LRRC72: variants seen among roughly 807,000 people sequenced by gnomAD.
LRRC72 encodes leucine rich repeat containing 72.
In LRRC72, 41 loss-of-function variants were observed where a neutral mutation model predicts 35.8. That is an observed-to-expected ratio of 1.15 (90% confidence interval 0.89 to 1.49). The LOEUF (loss-of-function observed/expected upper bound fraction) is 1.49, where lower values mean the gene tolerates loss of function less well. LRRC72 is among the 40% of genes most tolerant of loss of function. The pLI is 0.00. For synonymous variants in LRRC72, 118 were observed against 119.2 expected (o/e 0.99, Z 0.07); for missense variants, 389 against 330.7 (o/e 1.18, Z -1.37).
intron 3 of LRRC72, among the ~76,000 whole-genome samples, chr7:16,555,952 C>A (rs1225518893): frequency 9.9e-5 from 15 of 151,736 alleles, no homozygotes; most frequent in Admixed American, 9.2e-4. Flanking sequence ...ATTATTCTTA[C>A]ATTTAACTTA....
chr7:16,550,315 C>A (rs773184925), intron 3 of LRRC72, among the ~76,000 whole-genome samples: 1 of 152,178 alleles, frequency 6.6e-6, no homozygotes, highest in Non-Finnish European at 1.5e-5. Context: ...CACATAATAT[C>A]TCTAAATCGA....
In LRRC72 at chr7:16,549,184, G is replaced by A. The variant is rs553324561; in HGVS notation, c.235-8176G>A. Among the ~76,000 whole-genome samples, 18 of 152,132 alleles carry A rather than the reference G, an allele frequency of 1.2e-4. No homozygotes were observed. The East Asian group carries it at 2.1e-3, about 18-fold the overall frequency. ...AGGCAAGTTGATAATATTTTGTTTCGTATTTTACTTTTTGTTCATTTGAAA... is the reference window on the plus strand; with the variant it reads ...AGGCAAGTTGATAATATTTTGTTTCATATTTTACTTTTTGTTCATTTGAAA... On this transcript the variant is annotated intron_variant, in intron 3 of 8. Transcript: ENST00000401542.
intron 2 of LRRC72, among the ~76,000 whole-genome samples, chr7:16,536,117 T>G (rs569854228): frequency 9.9e-5 from 15 of 151,982 alleles, no homozygotes; most frequent in Non-Finnish European, 1.9e-4. Flanking sequence ...AGGTGATCCA[T>G]CCACCTCAGC....
chr7:16,547,587 C>A (rs565000951), intron 3 of LRRC72, among the ~76,000 whole-genome samples: 1 of 152,338 alleles, frequency 6.6e-6, no homozygotes, highest in South Asian at 2.1e-4. Flanking sequence ...AGTGCCTCCT[C>A]CTACTGTCTG....
At chr7:16,536,542 G>A (rs1425051472) in intron 2 of LRRC72, among the ~76,000 whole-genome samples, 6 of 151,536 alleles carry the variant, frequency 4.0e-5, no homozygotes, top group African/African-American at 1.5e-4. Context: ...TAGATAGATA[G>A]TATGAGCATG....
At chr7:16,543,218 T>G (rs1583639106) in intron 3 of LRRC72, among the ~76,000 whole-genome samples, 1 of 152,232 alleles carries the variant, frequency 6.6e-6, no homozygotes, top group African/African-American at 2.4e-5. Flanking sequence ...AAGAGGAAAC[T>G]ATGCCACTGT....
chr7:16,566,419 C>A lies in LRRC72; in HGVS notation c.517+17C>A. ...ACCGAAATCGTAAGGACCCTTCCTT[C>A]TTGCAAAGAAATATTTGAGAAGTAG... On this transcript the variant is annotated intron_variant, in intron 6 of 8. Coordinates refer to ENST00000401542, the MANE Select transcript of LRRC72 (RefSeq NM_001195280.2). The A allele has an allele frequency of 6.7e-7, 1 of 1,498,090 alleles. No homozygotes were observed. Among genetic ancestry groups the A allele is most frequent in the Non-Finnish European group, 9.0e-7 (1 of 1,113,318 alleles). The allele number at this position is 1,498,090 out of a possible 1,614,324, so 92.8% of individuals were successfully genotyped here.
chr7:16,539,563 T>C (rs1782320015), intron 3 of LRRC72, among the ~76,000 whole-genome samples: 1 of 152,154 alleles, frequency 6.6e-6, no homozygotes, highest in Non-Finnish European at 1.5e-5. Context: ...CGCAGAAATT[T>C]GTGTAAGTAA....
At chr7:16,576,047 T>C (rs1357620258) in intron 7 of LRRC72, among the ~76,000 whole-genome samples, 2 of 152,192 alleles carry the variant, frequency 1.3e-5, no homozygotes, top group Non-Finnish European at 2.9e-5. Context: ...TTATTGCATT[T>C]GAAACTTTTT....
intron 7 of LRRC72, among the ~76,000 whole-genome samples, chr7:16,570,526 A>G (rs954703825): frequency 1.3e-5 from 2 of 152,162 alleles, no homozygotes; most frequent in Non-Finnish European, 2.9e-5. Context: ...TATATTACTT[A>G]AAATATAACT....
chr7:16,575,138 G>A (rs1783017334), intron 7 of LRRC72, among the ~76,000 whole-genome samples: 1 of 151,636 alleles, frequency 6.6e-6, no homozygotes, highest in South Asian at 2.1e-4. Context: ...AAAGGAGGGA[G>A]GGAGGGAGGG....
intron 4 of LRRC72, 87 bp from the exon 5 acceptor site, chr7:16,558,802 C>A: frequency 1.5e-6 from 1 of 679,148 alleles, no homozygotes. Context: ...TGTTAATTAG[C>A]ATTAAAAATG....
chr7:16,561,703 A>C lies in LRRC72; in HGVS notation c.427+2704A>C, dbSNP rs550356013. On this transcript the variant is annotated intron_variant, in intron 5 of 8. Coordinates refer to ENST00000401542, the MANE Select transcript of LRRC72 (RefSeq NM_001195280.2). ...AAAATGCTATGTCCAATTACAAAAA[A>C]CAAAAAGCATTTTCTAAAAATTCAC... Among the ~76,000 whole-genome samples the C allele has an allele frequency of 1.8e-4, 28 of 152,372 alleles. 1 individual carries two copies. The South Asian group carries it at 5.6e-3, about 30-fold the overall frequency.
chr7:16,575,640 C>G (rs1048320169), intron 7 of LRRC72, among the ~76,000 whole-genome samples: 3 of 152,214 alleles, frequency 2.0e-5, no homozygotes, highest in Non-Finnish European at 4.4e-5. Flanking sequence ...TGATCTGACA[C>G]ATACCAAGTG....
intron 3 of LRRC72, among the ~76,000 whole-genome samples, chr7:16,544,609 C>T (rs1384205667): frequency 6.6e-6 from 1 of 152,158 alleles, no homozygotes; most frequent in Non-Finnish European, 1.5e-5. Context: ...AGATAAATTA[C>T]CTAAGTGACC....
intron 8 of LRRC72, among the ~76,000 whole-genome samples, chr7:16,580,394 G>A (rs1418443992): frequency 1.3e-5 from 2 of 152,176 alleles, no homozygotes; most frequent in African/African-American, 4.8e-5. Flanking sequence ...TGTAATCCCT[G>A]TACTTTGGGA....
At chr7:16,544,698 T>G (rs1782414304) in intron 3 of LRRC72, among the ~76,000 whole-genome samples, 1 of 152,266 alleles carries the variant, frequency 6.6e-6, no homozygotes, top group Admixed American at 6.5e-5. Context: ...TTTTCTTTTA[T>G]GGATGTCCAA....
intron 2 of LRRC72, among the ~76,000 whole-genome samples, chr7:16,536,667 T>C (rs988784843): frequency 6.6e-6 from 1 of 152,176 alleles, no homozygotes; most frequent in African/African-American, 2.4e-5. Context: ...GTTTATTTTG[T>C]TTAGAAATGG....
chr7:16,530,238 C>G (rs1782139010), intron 1 of LRRC72: 1 of 152,010 alleles, frequency 6.6e-6, no homozygotes, highest in South Asian at 2.1e-4. Context: ...AATCTGGAGC[C>G]CAGGAGAGAG....
Sources: gnomAD v4.1 joint callset for allele counts (sites outside exome capture counted in the v4.1 genomes callset) on GRCh38, gnomAD v4.1.1 for gene constraint, MANE v1.5 for transcripts, NCBI Gene and HGNC (gene_info 2026-07-23, HGNC 2026-07-21) for gene names.